Variants in SLAIN2 observed in about 807,000 individuals in gnomAD.
SLAIN2 encodes SLAIN family member 2.
A neutral mutation model predicts 56.6 loss-of-function variants in SLAIN2; 31 were observed. That is an observed-to-expected ratio of 0.55 (90% CI 0.41 to 0.74). The LOEUF is 0.74. Ranked by LOEUF, SLAIN2 falls within the 30% of genes least tolerant of loss-of-function variation. The probability of loss-of-function intolerance (pLI) is 0.00; values close to 1 mark genes in which losing one functional copy is unlikely to be tolerated. For missense variants in SLAIN2, 777 were observed against 754.2 expected (o/e 1.03, Z -0.35); for synonymous variants, 317 against 284.9 (o/e 1.11, Z -1.13).
At chr4:48,373,224 G>A (rs138709611) in intron 2 of SLAIN2, among the ~76,000 whole-genome samples, 31 of 152,256 alleles carry the variant, frequency 2.0e-4, no homozygotes, top group African/African-American at 7.0e-4. Flanking sequence ...ACGTTACTGT[G>A]CAACTGTCAC....
In SLAIN2 at chr4:48,348,856, G is replaced by A. The variant is rs375352736; in HGVS notation, c.389+6728G>A. Among the ~76,000 whole-genome samples the A allele has an allele frequency of 2.0e-4, 31 of 152,242 alleles. No homozygotes were observed. The East Asian group carries it at 5.4e-3, about 27-fold the overall frequency. On this transcript the variant is annotated intron_variant, in intron 1 of 7. Transcript: ENST00000264313. ...TTGTTTTCCTCTTGAGGGTAGGTTT[G>A]AATTTTGAAAACCATTAGAAGTCAT...
intron 1 of SLAIN2, among the ~76,000 whole-genome samples, chr4:48,348,396 C>A (rs1714925890): frequency 6.6e-6 from 1 of 152,108 alleles, no homozygotes; most frequent in Non-Finnish European, 1.5e-5. Context: ...CATAAGAAAC[C>A]TTCAAGACAG....
At chr4:48,421,140 C>G (rs1717137073) in intron 7 of SLAIN2, among the ~76,000 whole-genome samples, 2 of 152,044 alleles carry the variant, frequency 1.3e-5, no homozygotes, top group Admixed American at 6.6e-5. Flanking sequence ...CTCAGCACCC[C>G]CTGTAGCTGG....
chr4:48,341,759 A>G lies in SLAIN2; in HGVS notation c.20A>G (p.Asn7Ser), dbSNP rs1577703330. 2.0e-6 allele frequency: 3 copies of G among 1,532,364 alleles called. No individual in the cohort carries two copies. Among genetic ancestry groups the G allele is most frequent in the East Asian group, 2.6e-5 (1 of 38,450 alleles). The allele number at this position is 1,532,364 out of a possible 1,614,324, so 94.9% of individuals were successfully genotyped here. A position where few individuals can be genotyped will look rare whatever the true frequency, so the allele number is the denominator to read the frequency against. Residue 7 changes from asparagine (N) to serine (S), a missense_variant, in exon 1 of 8, where the codon AAC becomes AGC. Coordinates refer to ENST00000264313, the MANE Select transcript of SLAIN2 (RefSeq NM_020846.2). MEDVNS[N>S]VNADQEVRKL... ...GCCGGGATGGAGGACGTTAACTCCA[A>G]CGTGAACGCGGACCAGGAGGTGCGG...
chr4:48,383,930 G>A, intron 6 of SLAIN2, 146 bp downstream of exon 6: 1 of 781,054 alleles, frequency 1.3e-6, no homozygotes, highest in East Asian at 2.8e-5. Flanking sequence ...TTTATTAGTT[G>A]CTGGATGATA....
chr4:48,413,736 A>G (rs925022472), intron 6 of SLAIN2, among the ~76,000 whole-genome samples: 7 of 152,206 alleles, frequency 4.6e-5, no homozygotes, highest in Non-Finnish European at 8.8e-5. Context: ...TTATTACTAT[A>G]TACTTACTGG....
At chr4:48,410,436 G>A (rs114256580) in intron 6 of SLAIN2, among the ~76,000 whole-genome samples, 2,318 of 152,092 alleles carry the variant, frequency 0.015, 43 homozygotes, top group African/African-American at 0.052. Context: ...TCTTAATTTT[G>A]ATGAAGTATC....
chr4:48,420,122 C>T lies in SLAIN2; in HGVS notation c.1361-3C>T. ...AAATTGGTTTTTCTTTGCCATCCCA[C>T]AGTACCTTCTCCAGGCAAATTCCGT... On this transcript the variant is annotated splice_region_variant and splice_polypyrimidine_tract_variant and intron_variant, in intron 6 of 7. Transcript: ENST00000264313. 1 of 1,613,180 alleles carries T rather than the reference C, an allele frequency of 6.2e-7. No individual in the cohort carries two copies. Among genetic ancestry groups the T allele is most frequent in the South Asian group, 1.1e-5 (1 of 91,072 alleles).
intron 1 of SLAIN2, among the ~76,000 whole-genome samples, chr4:48,366,238 C>T (rs2109750035): frequency 6.6e-6 from 1 of 152,300 alleles, no homozygotes; most frequent in African/African-American, 2.4e-5. Context: ...AGCCCATGGT[C>T]TGTCCCAGAG....
intron 6 of SLAIN2, among the ~76,000 whole-genome samples, chr4:48,385,025 G>A (rs561949893): frequency 1.3e-5 from 2 of 152,290 alleles, no homozygotes; most frequent in Admixed American, 6.5e-5. Flanking sequence ...TGAAGGTAAT[G>A]TGATGGAAAG....
chr4:48,420,272 C>G lies in SLAIN2; in HGVS notation c.1508C>G (p.Pro503Arg). 6.2e-7 allele frequency: 1 copy of G among 1,613,966 alleles called. No individual in the cohort carries two copies. Among genetic ancestry groups the G allele is most frequent in the African/African-American group, 1.3e-5 (1 of 75,044 alleles). Residue 503 changes from proline to arginine, a missense_variant, in exon 7 of 8, where the codon CCT becomes CGT. Physicochemically the swap from Pro to Arg is moderately radical, Grantham distance 103 (BLOSUM62 -2). Transcript: ENST00000264313. ...QLTQTTSSPG[P>R]PMVQSTVSAN... ...ACACAAACCACCTCCTCACCTGGGC[C>G]TCCTATGGTTCAGAGCACAGTCTCA...
chr4:48,355,141 A>C (rs991672253), intron 1 of SLAIN2, among the ~76,000 whole-genome samples: 5 of 152,106 alleles, frequency 3.3e-5, no homozygotes, highest in Non-Finnish European at 7.3e-5. Context: ...CAGCCTCCTG[A>C]AGTGCTGGGA....
chr4:48,419,997 GT>G (rs1259327951), intron 6 of SLAIN2, 127 bp from the exon 7 acceptor site: 1 of 886,958 alleles, frequency 1.1e-6, no homozygotes, highest in East Asian at 2.6e-5. Context: ...AGCTTTTATT[GT>G]TTGCATTGCT....
intron 6 of SLAIN2, among the ~76,000 whole-genome samples, chr4:48,396,119 T>A (rs886363076): frequency 2.6e-5 from 4 of 152,120 alleles, no homozygotes; most frequent in African/African-American, 9.7e-5. Flanking sequence ...ATTTTTAAAA[T>A]TTGCCTATAG....
intron 1 of SLAIN2, among the ~76,000 whole-genome samples, chr4:48,348,144 A>G (rs1714918758): frequency 6.6e-6 from 1 of 152,194 alleles, no homozygotes; most frequent in South Asian, 2.1e-4. Flanking sequence ...TTATATAACT[A>G]ACTGTTCATC....
chr4:48,405,764 C>CT (rs1716677587), intron 6 of SLAIN2, among the ~76,000 whole-genome samples: 1 of 151,886 alleles, frequency 6.6e-6, no homozygotes, highest in Non-Finnish European at 1.5e-5. Context: ...TCCCGTGTTC[C>CT]TTTTTTTATT....
At chr4:48,404,135 T>A (rs1169789579) in intron 6 of SLAIN2, among the ~76,000 whole-genome samples, 1 of 152,114 alleles carries the variant, frequency 6.6e-6, no homozygotes, top group Admixed American at 6.5e-5. Flanking sequence ...ATACCTCAGT[T>A]CAAGGTGCAG....
At chr4:48,420,031 G>T in intron 6 of SLAIN2, 94 bp from the exon 7 acceptor site, 1 of 1,234,274 alleles carries the variant, frequency 8.1e-7, no homozygotes, top group Admixed American at 2.1e-5. Context: ...GAATACACAT[G>T]TACTAGTGCC....
At chr4:48,345,645 T>A (rs1714844969) in intron 1 of SLAIN2, among the ~76,000 whole-genome samples, 1 of 152,156 alleles carries the variant, frequency 6.6e-6, no homozygotes, top group South Asian at 2.1e-4. Context: ...GTAACGGATT[T>A]TTTTTTTAGC....
Sources: gnomAD v4.1 joint callset for allele counts (sites outside exome capture counted in the v4.1 genomes callset) on GRCh38, gnomAD v4.1.1 for gene constraint, MANE v1.5 for transcripts, NCBI Gene and HGNC (gene_info 2026-07-23, HGNC 2026-07-21) for gene names.